The following ZNF385D variants were observed in gnomAD, a reference collection of about 807,000 sequenced individuals.
ZNF385D encodes the protein zinc finger protein 385D.
Under a neutral mutation model 35.8 loss-of-function variants are expected in ZNF385D, and 15 were observed. The ratio of observed to expected loss-of-function variants is 0.42; its 90% CI spans 0.28 to 0.64. The LOEUF (loss-of-function observed/expected upper bound fraction) is 0.64. Among genes scored for constraint, ZNF385D ranks in the 30% least tolerant of loss-of-function variants. The pLI is 0.23. For missense variants in ZNF385D, 474 were observed against 494.6 expected (o/e 0.96, Z 0.39); for synonymous variants, 212 against 186.8 (o/e 1.13, Z -1.10).
chr3:22,092,037 G>A (rs532921390), intron 3 of ZNF385D, among the ~76,000 whole-genome samples: 1 of 152,174 alleles, frequency 6.6e-6, no homozygotes, highest in South Asian at 2.1e-4. Flanking sequence ...AACTTATTAG[G>A]TGGAAATACA....
chr3:22,162,231 A>G (rs908794941), intron 3 of ZNF385D, among the ~76,000 whole-genome samples: 2 of 152,152 alleles, frequency 1.3e-5, no homozygotes, highest in East Asian at 1.9e-4. Flanking sequence ...GGAAACCAGA[A>G]TATTTTACCC....
At chr3:21,799,679 C>G (rs2072311285) in intron 3 of ZNF385D, among the ~76,000 whole-genome samples, 2 of 152,096 alleles carry the variant, frequency 1.3e-5, no homozygotes, top group Non-Finnish European at 2.9e-5. Flanking sequence ...TAGACCTTAA[C>G]AGGCATTTGA....
At chr3:22,261,693 G>C (rs1196008093) in intron 2 of ZNF385D, among the ~76,000 whole-genome samples, 1 of 151,886 alleles carries the variant, frequency 6.6e-6, no homozygotes, top group Non-Finnish European at 1.5e-5. Flanking sequence ...GGGGATGCGA[G>C]GTGGAAATTT....
intron 3 of ZNF385D, among the ~76,000 whole-genome samples, chr3:22,123,907 C>G (rs2125671060): frequency 1.4e-5 from 2 of 143,066 alleles, no homozygotes; most frequent in Middle Eastern, 7.6e-3. Flanking sequence ...AAAACAAAAA[C>G]TAGAGCTAGA....
chr3:22,234,986 A>C (rs2125303938), intron 2 of ZNF385D, among the ~76,000 whole-genome samples: 1 of 152,120 alleles, frequency 6.6e-6, no homozygotes, highest in Non-Finnish European at 1.5e-5. Context: ...TTAAGTTTTT[A>C]TTTCATTATA....
chr3:21,650,872 GT>G (rs1252765910), intron 2 of ZNF385D, among the ~76,000 whole-genome samples: 1 of 152,142 alleles, frequency 6.6e-6, no homozygotes, highest in Non-Finnish European at 1.5e-5. Context: ...CTGATGGGAA[GT>G]TTTTTGCTGT....
intron 3 of ZNF385D, among the ~76,000 whole-genome samples, chr3:22,000,172 G>A (rs1009416312): frequency 2.0e-5 from 3 of 152,108 alleles, no homozygotes; most frequent in Admixed American, 2.0e-4. Context: ...TGGCGTGGTG[G>A]TGGCTGCCTG....
At chr3:22,248,487 T>A (rs1421208811) in intron 2 of ZNF385D, among the ~76,000 whole-genome samples, 1 of 152,130 alleles carries the variant, frequency 6.6e-6, no homozygotes, top group Non-Finnish European at 1.5e-5. Flanking sequence ...ATCATACAAC[T>A]CATTATTTAT....
intron 3 of ZNF385D, among the ~76,000 whole-genome samples, chr3:21,903,636 AGGG>A (rs1699528055): frequency 6.6e-6 from 1 of 152,224 alleles, no homozygotes; most frequent in African/African-American, 2.4e-5. Flanking sequence ...ACATTTAAAA[AGGG>A]TGCATTTTAT....
chr3:22,288,982 C>T (rs903953152), intron 2 of ZNF385D, among the ~76,000 whole-genome samples: 1 of 152,060 alleles, frequency 6.6e-6, no homozygotes, highest in South Asian at 2.1e-4. Context: ...CAAGTCTTGT[C>T]AGTACCTCAG....
chr3:22,281,319 T>C (rs975566241), intron 2 of ZNF385D, among the ~76,000 whole-genome samples: 1 of 152,118 alleles, frequency 6.6e-6, no homozygotes, highest in Admixed American at 6.6e-5. Context: ...GATCCAGTTC[T>C]TAAAGGGAAT....
chr3:22,337,231 A>T (rs897062062), intron 2 of ZNF385D, among the ~76,000 whole-genome samples: 2 of 152,066 alleles, frequency 1.3e-5, no homozygotes, highest in Non-Finnish European at 2.9e-5. Context: ...TCATCAAAAC[A>T]AATGCAGTTA....
chr3:22,250,797 G>A (rs1439784173), intron 2 of ZNF385D, among the ~76,000 whole-genome samples: 1 of 152,208 alleles, frequency 6.6e-6, no homozygotes, highest in Non-Finnish European at 1.5e-5. Context: ...TGTGCTGTCA[G>A]TGGAGAGTTT....
chr3:21,526,510 A>C (rs1187557911), intron 3 of ZNF385D, among the ~76,000 whole-genome samples: 4 of 152,178 alleles, frequency 2.6e-5, no homozygotes, highest in African/African-American at 4.8e-5. Context: ...AAAGTGGTGC[A>C]AGAAGAGGAG....
chr3:21,870,855 GATCTCATT>G (rs1697653627), intron 3 of ZNF385D, among the ~76,000 whole-genome samples: 2 of 152,070 alleles, frequency 1.3e-5, no homozygotes, highest in Non-Finnish European at 1.5e-5. Flanking sequence ...AATCTGATCA[GATCTCATT>G]TATCCATCAC....
chr3:21,974,884 G>A lies in ZNF385D; in HGVS notation c.325+193933C>T, dbSNP rs1703495808. On this transcript the variant is annotated intron_variant, in intron 3 of 5. Coordinates refer to the ZNF385D transcript ENST00000494108. ...TACACTGAGATATCATCTTATCCCA[G>A]TTAAAAGGGTTTTGTCCAAAAGACA... Among the ~76,000 whole-genome samples the A allele has an allele frequency of 2.0e-5, 3 of 152,146 alleles. 1 individual carries two copies.
intron 3 of ZNF385D, among the ~76,000 whole-genome samples, chr3:21,908,295 G>T (rs1182284622): frequency 2.6e-5 from 4 of 151,966 alleles, no homozygotes; most frequent in Admixed American, 6.6e-5. Flanking sequence ...TATAATTCCA[G>T]GATGCAAAGC....
chr3:22,079,715 C>T (rs1174666708), intron 3 of ZNF385D, among the ~76,000 whole-genome samples: 1 of 151,916 alleles, frequency 6.6e-6, no homozygotes, highest in African/African-American at 2.4e-5. Context: ...TTATTTGTAT[C>T]ATTTTCTCTT....
At chr3:21,855,062 T>C (rs1696630528) in intron 3 of ZNF385D, among the ~76,000 whole-genome samples, 1 of 151,916 alleles carries the variant, frequency 6.6e-6, no homozygotes. Context: ...TTACTTGGCT[T>C]TTCTCAGTGG....
Sources: allele counts gnomAD v4.1 joint callset (sites outside exome capture counted in the v4.1 genomes callset), GRCh38; gene constraint gnomAD v4.1.1; transcripts MANE v1.5; gene names NCBI Gene and HGNC (gene_info 2026-07-23, HGNC 2026-07-21).